PAK4: variants seen among roughly 807,000 people sequenced by gnomAD.
PAK4 encodes serine/threonine-protein kinase PAK 4.
PAK4 carries 49 observed loss-of-function variants against 53.5 expected under a neutral mutation model. The ratio of observed to expected loss-of-function variants is 0.92; its 90% CI spans 0.73 to 1.16. PAK4 has a LOEUF of 1.16. Ranked by LOEUF, PAK4 falls within the 50% of genes most tolerant of loss-of-function variation. PAK4 has a pLI of 0.00. For synonymous variants in PAK4, 376 were observed against 375.6 expected (o/e 1.00, Z -0.01); for missense variants, 824 against 850.7 (o/e 0.97, Z 0.39).
At chr19:39,138,902 T>C (rs1267513124) in intron 1 of PAK4, among the ~76,000 whole-genome samples, 1 of 152,156 alleles carries the variant, frequency 6.6e-6, no homozygotes, top group Non-Finnish European at 1.5e-5. Flanking sequence ...AGCCCTACTC[T>C]GGGGGGCTGG....
intron 1 of PAK4, among the ~76,000 whole-genome samples, chr19:39,143,046 C>G (rs1416093032): frequency 1.3e-5 from 2 of 152,110 alleles, no homozygotes; most frequent in African/African-American, 4.8e-5. Context: ...TCACCTGTAT[C>G]CCGTCTTTGC....
chr19:39,129,948 C>A (rs1359513352), intron 1 of PAK4, among the ~76,000 whole-genome samples: 1 of 152,086 alleles, frequency 6.6e-6, no homozygotes, highest in Non-Finnish European at 1.5e-5. Context: ...GACTGTTGGT[C>A]CCAGTGGTAA....
chr19:39,176,709 G>A, exon 7 of PAK4: 2 of 1,609,518 alleles, frequency 1.2e-6, no homozygotes, highest in Non-Finnish European at 1.7e-6. Context: ...TTCCCTACGG[G>A]CCAGAGGTGA....
intron 1 of PAK4, among the ~76,000 whole-genome samples, chr19:39,136,067 C>G (rs151204702): frequency 6.5e-5 from 9 of 138,570 alleles, no homozygotes; most frequent in Non-Finnish European, 1.1e-4. Context: ...CCTCGTCACC[C>G]TTCTTCCTTG....
At chr19:39,155,010 A>G (rs2074153909) in intron 1 of PAK4, among the ~76,000 whole-genome samples, 1 of 152,246 alleles carries the variant, frequency 6.6e-6, no homozygotes, top group African/African-American at 2.4e-5. Flanking sequence ...GTGTGGAGAT[A>G]ACATCTGCCC....
chr19:39,172,358 A>G (rs1600399064), intron 2 of PAK4, among the ~76,000 whole-genome samples: 1 of 152,132 alleles, frequency 6.6e-6, no homozygotes, highest in African/African-American at 2.4e-5. Flanking sequence ...CCTGGTCCCC[A>G]TCTGCATTTG....
chr19:39,135,092 C>T (rs2073785894), intron 1 of PAK4: 1 of 152,108 alleles, frequency 6.6e-6, no homozygotes, highest in South Asian at 2.1e-4. Context: ...GTGGTCAAAT[C>T]TGTGTATCCT....
At chr19:39,145,816 G>A (rs1373519305) in intron 1 of PAK4, among the ~76,000 whole-genome samples, 2 of 117,556 alleles carry the variant, frequency 1.7e-5, no homozygotes, top group South Asian at 2.9e-4. Context: ...ACCCTCACCC[G>A]CCCTGTTTGC....
chr19:39,173,028 G>A lies in PAK4; in HGVS notation c.315G>A (p.Pro105=), dbSNP rs376964135. ...CCAACTCCCTGCGGAGAGACAGCCC[G>A]CCGCCGCCCGCCCGTGCCCGCCAGG... The change falls in exon 3 of 9, where the codon CCG becomes CCA. Residue 105 remains proline (P), a synonymous_variant. Coordinates refer to ENST00000358301, the Ensembl canonical transcript of PAK4. The surrounding 1 kb of genome is among the most constrained non-coding windows in gnomAD (Gnocchi z 6.9). The A allele has an allele frequency of 7.4e-5, 114 of 1,549,110 alleles. No individual in the cohort carries two copies. The highest frequency in any genetic ancestry group is 4.9e-4 in the South Asian group (41 of 83,992).
chr19:39,148,405 C>T (rs1235661416), intron 1 of PAK4, among the ~76,000 whole-genome samples: 1 of 146,216 alleles, frequency 6.8e-6, no homozygotes, highest in African/African-American at 2.5e-5. Context: ...ATGGATTGTG[C>T]ATTTGCTGTC....
downstream of PAK4, chr19:39,179,722 G>A (rs1042421064): frequency 1.3e-5 from 2 of 152,254 alleles, no homozygotes; most frequent in African/African-American, 4.8e-5. Context: ...TTGGTGAGTA[G>A]GAGCTAACCC....
At chr19:39,176,944 C>G (rs992159989) in intron 7 of PAK4, among the ~76,000 whole-genome samples, 6 of 152,054 alleles carry the variant, frequency 3.9e-5, no homozygotes, top group Non-Finnish European at 4.4e-5. Flanking sequence ...TCTCAGCTCA[C>G]TGCAACCTCC....
chr19:39,173,452 C>A lies in PAK4; in HGVS notation c.663+76C>A. On this transcript the variant is annotated intron_variant, in intron 3 of 8. Coordinates refer to ENST00000358301, the Ensembl canonical transcript of PAK4. The surrounding 1 kb of genome is among the most constrained non-coding windows in gnomAD (Gnocchi z 6.9). ...TCTGTCCCCACCTTCCAGCCCCGCC[C>A]CACCACCGTGCATCTCATCCTGACC... The A allele has an allele frequency of 7.4e-7, 1 of 1,357,848 alleles. No individual in the cohort carries two copies. The highest frequency in any genetic ancestry group is 1.4e-5 in the South Asian group (1 of 69,070). The allele number at this position is 1,357,848 out of a possible 1,614,324, so 84.1% of individuals were successfully genotyped here.
chr19:39,171,961 T>C (rs573115425), intron 2 of PAK4, among the ~76,000 whole-genome samples: 1 of 152,280 alleles, frequency 6.6e-6, no homozygotes, highest in East Asian at 1.9e-4. Flanking sequence ...GCCCAGAGCA[T>C]GCACTAGGCA....
At chr19:39,158,569 G>T (rs1280649397) in intron 1 of PAK4, among the ~76,000 whole-genome samples, 3 of 152,238 alleles carry the variant, frequency 2.0e-5, no homozygotes, top group Admixed American at 1.3e-4. Context: ...CCTCTGGGGG[G>T]TGAAGGGCAC....
At chr19:39,153,242 A>G (rs1036391314) in intron 1 of PAK4, among the ~76,000 whole-genome samples, 2 of 151,692 alleles carry the variant, frequency 1.3e-5, no homozygotes, top group African/African-American at 4.8e-5. Flanking sequence ...CCCTTCCCCC[A>G]GAAGCATCCA....
Position 39,164,071 on chromosome 19 carries a change from G to T in PAK4, c.-22-5461G>T, listed in dbSNP as rs141773915. On this transcript the variant is annotated intron_variant, in intron 1 of 8. Coordinates refer to ENST00000358301, the Ensembl canonical transcript of PAK4. ...GCAGGTGGATCACCTGAGGTGAGGA[G>T]TTCAAGACCAGCCTGGCCAACATGG... Among the ~76,000 whole-genome samples, 1,031 of 152,250 alleles carry T rather than the reference G, an allele frequency of 6.8e-3. 19 individuals carry two copies. The highest frequency in any genetic ancestry group is 0.023 in the African/African-American group (945 of 41,538).
chr19:39,174,773 C>G (rs536063802), intron 4 of PAK4, among the ~76,000 whole-genome samples, 158 bp from the exon 6 acceptor site: 2 of 152,256 alleles, frequency 1.3e-5, no homozygotes, highest in Admixed American at 6.5e-5. Context: ...GGCTCTGAGG[C>G]CCACGTGGCT....
At chr19:39,162,661 A>T (rs1197142072) in intron 1 of PAK4, among the ~76,000 whole-genome samples, 1 of 152,062 alleles carries the variant, frequency 6.6e-6, no homozygotes, top group Admixed American at 6.6e-5. Context: ...CACCCGACTT[A>T]GTAGATGTTT....
Sources: gnomAD v4.1 joint callset for allele counts (sites outside exome capture counted in the v4.1 genomes callset) on GRCh38, gnomAD v4.1.1 for gene constraint, Gnocchi (gnomAD v3.1) non-coding constraint, MANE v1.5 for transcripts, NCBI Gene and HGNC (gene_info 2026-07-23, HGNC 2026-07-21) for gene names.